The following PCBP3 variants were observed in gnomAD, a reference collection of about 807,000 sequenced individuals.
PCBP3 encodes the protein poly(rC) binding protein 3.
Under a neutral mutation model 52.7 loss-of-function variants are expected in PCBP3, and 25 were observed. The ratio of observed to expected loss-of-function variants is 0.47; its 90% CI spans 0.35 to 0.66. PCBP3 has a LOEUF of 0.66. Ranked by LOEUF, PCBP3 falls within the 30% of genes least tolerant of loss-of-function variation. PCBP3 has a pLI of 0.01. For synonymous variants in PCBP3, 162 were observed against 183.0 expected (o/e 0.89, Z 0.93); for missense variants, 391 against 490.3 (o/e 0.80, Z 1.91).
At chr21:45,936,010 G>A (rs1303519480) in intron 16 of PCBP3, among the ~76,000 whole-genome samples, 2 of 152,258 alleles carry the variant, frequency 1.3e-5, no homozygotes, top group Non-Finnish European at 2.9e-5. Context: ...TGTGTGGGCT[G>A]TGGAGGTGGC....
chr21:45,739,058 T>C (rs1425928325), intron 3 of PCBP3, among the ~76,000 whole-genome samples: 3 of 82,644 alleles, frequency 3.6e-5, no homozygotes, highest in Admixed American at 1.5e-4. Context: ...CTGTCCACGG[T>C]CCTCTGGGTA....
chr21:45,784,391 TCTACCGCTACCTCTACCG>T (rs1473383380), intron 4 of PCBP3, among the ~76,000 whole-genome samples: 6 of 113,248 alleles, frequency 5.3e-5, no homozygotes, highest in Admixed American at 8.6e-5. Flanking sequence ...TACCTCTACC[TCTACCGCTACCTCTACCG>T]CTACCGCTAC....
At chr21:45,898,241 G>T (rs2095881646) in intron 6 of PCBP3, among the ~76,000 whole-genome samples, 1 of 152,164 alleles carries the variant, frequency 6.6e-6, no homozygotes, top group African/African-American at 2.4e-5. Flanking sequence ...TGCCATGATT[G>T]ACGGGGGCCC....
intron 2 of PCBP3, among the ~76,000 whole-genome samples, chr21:45,721,766 G>A (rs1001612851): frequency 1.3e-5 from 2 of 152,188 alleles, no homozygotes; most frequent in African/African-American, 4.8e-5. Flanking sequence ...ACAGGGAGGG[G>A]ACTGAGTCTT....
chr21:45,855,070 A>G (rs559367574), intron 5 of PCBP3, among the ~76,000 whole-genome samples: 1 of 152,280 alleles, frequency 6.6e-6, no homozygotes, highest in Admixed American at 6.5e-5. Flanking sequence ...TAGTGGTGCC[A>G]GGAATGGCCA....
chr21:45,718,115 A>G (rs2084350737), intron 2 of PCBP3, among the ~76,000 whole-genome samples: 1 of 150,548 alleles, frequency 6.6e-6, no homozygotes, highest in Non-Finnish European at 1.5e-5. Context: ...AAAATTGTTT[A>G]TAGTATTTTC....
intron 9 of PCBP3, chr21:45,901,468 T>C: frequency 3.8e-6 from 1 of 266,478 alleles, no homozygotes; most frequent in Non-Finnish European, 7.5e-6. Context: ...CACCAGCACC[T>C]CCAGCCTCCA....
chr21:45,653,270 A>G (rs1011425817), intron 1 of PCBP3, among the ~76,000 whole-genome samples: 10 of 152,148 alleles, frequency 6.6e-5, no homozygotes, highest in African/African-American at 2.2e-4. Context: ...AGCATGTTAC[A>G]TCTGCTTTCT....
At chr21:45,690,821 CG>C (rs1256973633) in intron 2 of PCBP3, among the ~76,000 whole-genome samples, 1 of 151,912 alleles carries the variant, frequency 6.6e-6, no homozygotes, top group Non-Finnish European at 1.5e-5. Flanking sequence ...AAAGAGATAC[CG>C]GTATACATCT....
In PCBP3 at chr21:45,802,301, C is replaced by T. The variant is rs2092336806; in HGVS notation, c.-126+46849C>T. ...GCTAGCTGTCCGGCCCCTGCGTCAG[C>T]ACCACCCCTTGCTGTGTTCCTGAAG... is the stretch of plus-strand genomic sequence containing the variant. On this transcript the variant is annotated intron_variant, in intron 4 of 17. Transcript: ENST00000681687. This position sits in a 1 kb window ranked among gnomAD's most constrained non-coding sequence, Gnocchi z 5.1. Among the ~76,000 whole-genome samples the T allele has an allele frequency of 6.6e-6, 1 of 152,130 alleles. No homozygotes were observed. The highest frequency in any genetic ancestry group is 1.5e-5 in the Non-Finnish European group (1 of 68,016).
chr21:45,790,310 G>T (rs1362334894), intron 4 of PCBP3, among the ~76,000 whole-genome samples: 2 of 152,164 alleles, frequency 1.3e-5, no homozygotes, highest in East Asian at 1.9e-4. Flanking sequence ...GGAAGTACTT[G>T]TGGGACAGGG....
At chr21:45,897,656 C>T (rs920918957) in intron 6 of PCBP3, among the ~76,000 whole-genome samples, 2 of 152,184 alleles carry the variant, frequency 1.3e-5, no homozygotes, top group African/African-American at 4.8e-5. Context: ...CTGCTCTTTG[C>T]TCATCTTGTC....
intron 2 of PCBP3, among the ~76,000 whole-genome samples, chr21:45,718,552 C>G (rs538585554): frequency 6.6e-6 from 1 of 152,110 alleles, no homozygotes; most frequent in East Asian, 1.9e-4. Context: ...TCTTGGTTTT[C>G]AAGGCTTGGA....
chr21:45,907,746 G>A (rs760140541), intron 9 of PCBP3, among the ~76,000 whole-genome samples: 6 of 151,690 alleles, frequency 4.0e-5, no homozygotes, highest in East Asian at 1.9e-4. Flanking sequence ...TTGCCTATTC[G>A]CCTGGCTCTC....
intron 13 of PCBP3, among the ~76,000 whole-genome samples, chr21:45,921,216 A>G (rs1308565118): frequency 1.3e-5 from 2 of 152,244 alleles, no homozygotes; most frequent in Non-Finnish European, 2.9e-5. Flanking sequence ...GAAATTTTTA[A>G]AGCTTCAATT....
chr21:45,753,442 G>A (rs1460269575), intron 3 of PCBP3, among the ~76,000 whole-genome samples: 1 of 151,858 alleles, frequency 6.6e-6, no homozygotes, highest in Non-Finnish European at 1.5e-5. Flanking sequence ...CTGTATCCGA[G>A]TGTTTTAGTG....
intron 2 of PCBP3, among the ~76,000 whole-genome samples, chr21:45,729,408 G>A (rs771240742): frequency 6.6e-6 from 1 of 152,140 alleles, no homozygotes; most frequent in South Asian, 2.1e-4. Flanking sequence ...TTTTGGGTCT[G>A]TACCTAGGAG....
At chr21:45,677,755 T>C (rs1317722990) in intron 2 of PCBP3, among the ~76,000 whole-genome samples, 1 of 152,218 alleles carries the variant, frequency 6.6e-6, no homozygotes, top group Non-Finnish European at 1.5e-5. Context: ...TCCTTAAGAA[T>C]GATGCTAAAT....
intron 4 of PCBP3, among the ~76,000 whole-genome samples, chr21:45,775,448 C>T (rs2090183560): frequency 1.3e-5 from 2 of 152,050 alleles, no homozygotes; most frequent in Non-Finnish European, 2.9e-5. Context: ...AACAGGGTCT[C>T]ACTCTGTTAC....
Sources: allele counts gnomAD v4.1 joint callset (sites outside exome capture counted in the v4.1 genomes callset), GRCh38; gene constraint gnomAD v4.1.1; non-coding constraint Gnocchi (gnomAD v3.1); transcripts MANE v1.5; gene names NCBI Gene and HGNC (gene_info 2026-07-23, HGNC 2026-07-21).